CS: variants seen among roughly 807,000 people sequenced by gnomAD.
CS encodes citrate synthase.
In CS, 13 loss-of-function variants were observed where a neutral mutation model predicts 61.4. The observed-to-expected ratio is 0.21, with a 90% CI of 0.14 to 0.34. CS has a LOEUF of 0.34. Ranked by LOEUF, CS falls within the 10% of genes least tolerant of loss-of-function variation. CS has a pLI of 1.00. For synonymous variants in CS, 159 were observed against 215.2 expected, an observed-to-expected ratio of 0.74 and a Z score of 2.29; for missense variants, 278 against 573.4, an observed-to-expected ratio of 0.48 and a Z score of 5.26.
chr12:56,275,569 TAAA>T (rs769377638), intron 7 of CS: 522 of 106,536 alleles, frequency 4.9e-3, no homozygotes, highest in South Asian at 0.014. Context: ...AGACTCCATC[TAAA>T]AAAAAAAAAA....
chr12:56,279,470 CT>C (rs1349788949), intron 6 of CS, among the ~76,000 whole-genome samples: 4 of 152,042 alleles, frequency 2.6e-5, no homozygotes, highest in African/African-American at 9.7e-5. Flanking sequence ...AACCCCGTCT[CT>C]ATTAAAAACA....
intron 5 of CS, 107 bp from the exon 6 acceptor site, chr12:56,282,715 A>G: frequency 6.6e-7 from 1 of 1,521,112 alleles, no homozygotes; most frequent in Non-Finnish European, 8.9e-7. Context: ...AGGTCAACCC[A>G]ATCCATTTAT....
At chr12:56,292,335 G>A (rs562779024) in intron 1 of CS, among the ~76,000 whole-genome samples, 6 of 151,382 alleles carry the variant, frequency 4.0e-5, no homozygotes, top group Admixed American at 2.6e-4. Context: ...AGCCTGCAGC[G>A]AGCCGAGATT....
intron 6 of CS, among the ~76,000 whole-genome samples, chr12:56,280,895 C>T (rs1022614683): frequency 5.9e-5 from 9 of 151,948 alleles, no homozygotes; most frequent in Non-Finnish European, 1.2e-4. Context: ...ATTCTGATAC[C>T]AACTCCCCAA....
intron 1 of CS, among the ~76,000 whole-genome samples, chr12:56,298,438 C>T (rs1334416050): frequency 6.6e-6 from 1 of 152,116 alleles, no homozygotes; most frequent in African/African-American, 2.4e-5. Context: ...TCCCTATGGG[C>T]TTAAGGAGGA....
intron 1 of CS, among the ~76,000 whole-genome samples, chr12:56,293,982 C>G (rs1346512958): frequency 6.6e-6 from 1 of 152,176 alleles, no homozygotes; most frequent in East Asian, 1.9e-4. Flanking sequence ...TCCCCAGAAC[C>G]AGGTCAGAGA....
intron 1 of CS, among the ~76,000 whole-genome samples, chr12:56,299,456 T>A (rs1161210345): frequency 6.6e-6 from 1 of 152,274 alleles, no homozygotes; most frequent in East Asian, 1.9e-4. Flanking sequence ...TTGCCGAGGA[T>A]CTTCATTTAT....
At chr12:56,291,865 T>C (rs554702071) in intron 1 of CS, 9 of 152,322 alleles carry the variant, frequency 5.9e-5, no homozygotes, top group African/African-American at 2.2e-4. Flanking sequence ...ACAGCCAGTA[T>C]TCTCTATAGG....
chr12:56,291,368 C>T (rs1873121385), intron 1 of CS: 1 of 731,220 alleles, frequency 1.4e-6, no homozygotes, highest in Non-Finnish European at 1.7e-6. Flanking sequence ...TTTTTTTTAA[C>T]AGGCATCAAG....
At chr12:56,298,766 G>T in intron 1 of CS, 1 of 723,346 alleles carries the variant, frequency 1.4e-6, no homozygotes, top group Non-Finnish European at 1.7e-6. Flanking sequence ...CAGGCCAGGT[G>T]CAGTGGTTCA....
rs1390795269 is a variant in CS, at chr12:56,273,526, A to AT, written c.1230+60dup. On this transcript the variant is annotated intron_variant, in intron 10 of 10. Transcript: ENST00000351328. ...GACTAGGAGTTAATTGACTTTGTGC[A>AT]TGGCAGATAACAATAGGGTTTGGTA... 4 of 1,512,190 alleles carry AT rather than the reference A, an allele frequency of 2.6e-6. No individual in the cohort carries two copies. The East Asian group carries it at 9.0e-5, about 34-fold the overall frequency. The allele number at this position is 1,512,190 out of a possible 1,614,324, so 93.7% of individuals were successfully genotyped here. A position where few individuals can be genotyped will look rare whatever the true frequency, so the allele number is the denominator to read the frequency against.
intron 6 of CS, among the ~76,000 whole-genome samples, chr12:56,279,493 G>A (rs940981390): frequency 1.4e-4 from 21 of 152,136 alleles, no homozygotes; most frequent in Admixed American, 4.6e-4. Flanking sequence ...AAGGCCAGGC[G>A]CGGTGGCTCA....
At position 56,282,606 on chromosome 12, in the gene CS, T is replaced by C. The variant is rs1320099295; in HGVS notation, c.402A>G (p.Val134=). 5 of 1,601,830 alleles carry C rather than the reference T, an allele frequency of 3.1e-6. No individual in the cohort carries two copies. The highest frequency in any genetic ancestry group is 4.3e-6 in the Non-Finnish European group (5 of 1,174,586). Residue 134 remains valine (V), a splice_region_variant and synonymous_variant, in exon 6 of 11, where the codon GTA becomes GTG. Transcript: ENST00000351328. The part of the protein sequence containing the change: ...VTGHIPTEEQ[V]SWLSKEWAKR... ...TTGCCCACTCTTTTGAGAGCCAAGA[T>C]ACCTGTGGAAAAAGAGACAGTGCTC...
intron 1 of CS, among the ~76,000 whole-genome samples, chr12:56,296,437 C>T (rs565616267): frequency 6.6e-6 from 1 of 151,954 alleles, no homozygotes; most frequent in East Asian, 1.9e-4. Context: ...GCCCCACCCC[C>T]CAAAAAAAAC....
chr12:56,273,410 C>A, intron 10 of CS, 156 bp from the exon 11 acceptor site: 1 of 970,330 alleles, frequency 1.0e-6, no homozygotes, highest in Non-Finnish European at 1.5e-6. Context: ...AAAAGTATAG[C>A]AATTGGGATT....
At position 56,295,713 on chromosome 12, in the gene CS, G is replaced by A. The variant is rs545774418; in HGVS notation, c.42+4447C>T. Reference sequence around the variant, plus strand: ...CTCACGCCTGTAATCCCAGCACTGTGGGAGGTGGAGGCGGGCGGATCACGA... The same window carrying A: ...CTCACGCCTGTAATCCCAGCACTGTAGGAGGTGGAGGCGGGCGGATCACGA... On this transcript the variant is annotated intron_variant, in intron 1 of 10. Coordinates refer to ENST00000351328, the MANE Select transcript of CS (RefSeq NM_004077.3). 8.9e-3 allele frequency among the ~76,000 whole-genome samples: 1,349 copies of A among 151,722 alleles called. 13 individuals are homozygous for A. The highest frequency in any genetic ancestry group is 0.014 in the South Asian group (66 of 4,802).
chr12:56,298,709 A>C (rs1375422322), intron 1 of CS: 50 of 982,660 alleles, frequency 5.1e-5, no homozygotes, highest in Non-Finnish European at 5.7e-5. Flanking sequence ...AACCAAGGTA[A>C]ATCTTACAAA....
At chr12:56,286,517 G>A (rs1872943009) in intron 2 of CS, 78 bp downstream of exon 2, 1 of 1,223,254 alleles carries the variant, frequency 8.2e-7, no homozygotes, top group African/African-American at 1.5e-5. Flanking sequence ...AAGAGGCCAG[G>A]TGGTTGCCAA....
chr12:56,286,565 T>C (rs923618767), intron 2 of CS, 30 bp downstream of exon 2: 1 of 1,611,298 alleles, frequency 6.2e-7, no homozygotes, highest in African/African-American at 1.3e-5. Context: ...GCAATGATTC[T>C]TATTCTTAGT....
Sources: allele counts gnomAD v4.1 joint callset (sites outside exome capture counted in the v4.1 genomes callset), GRCh38; gene constraint gnomAD v4.1.1; transcripts MANE v1.5; gene names NCBI Gene and HGNC (gene_info 2026-07-23, HGNC 2026-07-21).